ATP8A1: variants seen among roughly 807,000 people sequenced by gnomAD.
ATP8A1 encodes ATPase phospholipid transporting 8A1.
Under a neutral mutation model 177.7 loss-of-function variants are expected in ATP8A1, and 90 were observed. The ratio of observed to expected loss-of-function variants is 0.51; its 90% CI spans 0.43 to 0.60. The LOEUF (loss-of-function observed/expected upper bound fraction) is 0.60, where lower values mean the gene tolerates loss of function less well. Among genes scored for constraint, ATP8A1 ranks in the 20% least tolerant of loss-of-function variants. The pLI is 0.00. For missense variants in ATP8A1, 1,072 were observed against 1,392.8 expected, an observed-to-expected ratio of 0.77 and a Z score of 3.67; for synonymous variants, 493 against 485.9, an observed-to-expected ratio of 1.01 and a Z score of -0.19.
chr4:42,651,394 A>G (rs1741081991), intron 1 of ATP8A1, among the ~76,000 whole-genome samples: 1 of 152,190 alleles, frequency 6.6e-6, no homozygotes, highest in Non-Finnish European at 1.5e-5. Context: ...AAAATGTGGG[A>G]AAGTATGGAA....
chr4:42,635,797 A>ATATATATATATATATG (rs1165701929), intron 1 of ATP8A1, among the ~76,000 whole-genome samples: 1 of 114,534 alleles, frequency 8.7e-6, no homozygotes, highest in Non-Finnish European at 1.8e-5. Context: ...ATATATATAT[A>ATATATATATATATATG]TATATATATA....
At chr4:42,429,966 G>A (rs190655491) in intron 33 of ATP8A1, among the ~76,000 whole-genome samples, 4 of 152,210 alleles carry the variant, frequency 2.6e-5, no homozygotes, top group Non-Finnish European at 4.4e-5. Flanking sequence ...TAGGGGTTAG[G>A]GGAAAAGGAG....
chr4:42,472,955 T>C (rs1720615038), intron 25 of ATP8A1, among the ~76,000 whole-genome samples: 1 of 152,126 alleles, frequency 6.6e-6, no homozygotes, highest in African/African-American at 2.4e-5. Context: ...TTTGGGTTAC[T>C]GGGAGAATGA....
intron 1 of ATP8A1, among the ~76,000 whole-genome samples, chr4:42,648,468 A>G (rs1740770414): frequency 6.6e-6 from 1 of 152,172 alleles, no homozygotes; most frequent in African/African-American, 2.4e-5. Flanking sequence ...ATTATTAAAT[A>G]TATGGTTATT....
At chr4:42,566,510 T>C (rs961296915) in intron 15 of ATP8A1, among the ~76,000 whole-genome samples, 1 of 152,194 alleles carries the variant, frequency 6.6e-6, no homozygotes, top group African/African-American at 2.4e-5. Context: ...GTTGGGCAAA[T>C]GCTCAAAGTT....
In ATP8A1 at chr4:42,594,338, TTATAAC is replaced by T. The variant is rs757795833; in HGVS notation, c.451-3460_451-3455del. The T allele has an allele frequency of 3.8e-6, 6 of 1,599,444 alleles. No homozygotes were observed. The African/African-American group carries it at 4.0e-5, about 11-fold the overall frequency. ...GCAGGTATATACTCTTTGCCTTTTA[TTATAAC>T]TATATCTCCAACATTTACCTGAAAG... On this transcript the variant is annotated intron_variant, in intron 6 of 36. Coordinates refer to ENST00000381668, the MANE Select transcript of ATP8A1 (RefSeq NM_006095.2).
intron 33 of ATP8A1, among the ~76,000 whole-genome samples, chr4:42,426,793 A>C (rs1361978832): frequency 1.3e-5 from 2 of 152,252 alleles, no homozygotes; most frequent in East Asian, 3.8e-4. Flanking sequence ...ATATCACAGC[A>C]CACGCTTGTC....
intron 19 of ATP8A1, 115 bp from the exon 20 acceptor site, chr4:42,544,101 A>T: frequency 1.2e-6 from 1 of 816,708 alleles, no homozygotes; most frequent in Non-Finnish European, 2.0e-6. Context: ...TGACCAAATC[A>T]TGAGCCCTAA....
chr4:42,652,204 G>A (rs60842233), intron 1 of ATP8A1, among the ~76,000 whole-genome samples: 12,950 of 152,058 alleles, frequency 0.085, 1,248 homozygotes, highest in African/African-American at 0.24. Flanking sequence ...CAATTTCCTT[G>A]TTGTTTAATA....
intron 20 of ATP8A1, among the ~76,000 whole-genome samples, chr4:42,528,949 C>T (rs1483403575): frequency 2.0e-5 from 3 of 152,174 alleles, no homozygotes; most frequent in Non-Finnish European, 4.4e-5. Context: ...TGAGATATTC[C>T]TTCTAAGGTG....
chr4:42,439,867 G>A (rs973290794), intron 33 of ATP8A1, among the ~76,000 whole-genome samples: 2 of 152,188 alleles, frequency 1.3e-5, no homozygotes, highest in African/African-American at 4.8e-5. Flanking sequence ...CAGAGAAGGA[G>A]CACAGGGCAA....
At chr4:42,609,647 G>A (rs528286640) in intron 5 of ATP8A1, among the ~76,000 whole-genome samples, 1 of 152,134 alleles carries the variant, frequency 6.6e-6, no homozygotes, top group East Asian at 1.9e-4. Flanking sequence ...TTTTGATTTG[G>A]CAGCACTTGG....
At chr4:42,600,225 TATG>T (rs1735105702) in intron 6 of ATP8A1, among the ~76,000 whole-genome samples, 2 of 152,160 alleles carry the variant, frequency 1.3e-5, no homozygotes, top group Non-Finnish European at 2.9e-5. Context: ...AAATAAAATC[TATG>T]ATAACAGTAC....
At chr4:42,496,919 C>G (rs1325947449) in intron 24 of ATP8A1, among the ~76,000 whole-genome samples, 4 of 151,962 alleles carry the variant, frequency 2.6e-5, no homozygotes, top group Non-Finnish European at 5.9e-5. Flanking sequence ...TCCATAATCA[C>G]AAGATTTGGG....
intron 14 of ATP8A1, among the ~76,000 whole-genome samples, chr4:42,569,689 A>G (rs536432121): frequency 5.2e-4 from 79 of 152,378 alleles, no homozygotes; most frequent in African/African-American, 1.7e-3. Context: ...CAGGTACATT[A>G]AAGTAAAAGT....
Position 42,484,066 on chromosome 4 carries a change from TAA to T in ATP8A1, c.2324+1428_2324+1429del, listed in dbSNP as rs772041328. Among the ~76,000 whole-genome samples, 53 of 152,340 alleles carry T rather than the reference TAA, an allele frequency of 3.5e-4. 1 individual carries two copies. The highest frequency in any genetic ancestry group is 9.6e-4 in the African/African-American group (40 of 41,582). ...TGTTGATCCTTATGATCCCATTAGTTAAAGTGATTAAGTGACCAAATCTGCCA... is the reference window on the plus strand; with the variant it reads ...TGTTGATCCTTATGATCCCATTAGTTAGTGATTAAGTGACCAAATCTGCCA... On this transcript the variant is annotated intron_variant, in intron 25 of 36. Transcript: ENST00000381668.
At chr4:42,618,509 T>A (rs1270483393) in intron 4 of ATP8A1, among the ~76,000 whole-genome samples, 1 of 152,190 alleles carries the variant, frequency 6.6e-6, no homozygotes, top group East Asian at 1.9e-4. Context: ...CTGGTACTTG[T>A]CTCAGACATG....
intron 33 of ATP8A1, among the ~76,000 whole-genome samples, chr4:42,439,610 A>T (rs568534002): frequency 6.6e-6 from 1 of 152,374 alleles, no homozygotes; most frequent in South Asian, 2.1e-4. Context: ...GAAGCAGTTT[A>T]AGCATTCTGA....
At chr4:42,423,984 T>C (rs1714293170) in intron 33 of ATP8A1, among the ~76,000 whole-genome samples, 1 of 152,178 alleles carries the variant, frequency 6.6e-6, no homozygotes, top group Admixed American at 6.5e-5. Context: ...AAAATTACTT[T>C]TGTAAAATTA....
Sources: allele counts gnomAD v4.1 joint callset (sites outside exome capture counted in the v4.1 genomes callset), GRCh38; gene constraint gnomAD v4.1.1; transcripts MANE v1.5; gene names NCBI Gene and HGNC (gene_info 2026-07-23, HGNC 2026-07-21).